CHD1L: variants seen among roughly 807,000 people sequenced by gnomAD.
The protein encoded by CHD1L is ATP-dependent chromatin remodeler CHD1L.
Under a neutral mutation model 115.9 loss-of-function variants are expected in CHD1L, and 118 were observed. That is an observed-to-expected ratio of 1.02 (90% CI 0.88 to 1.19). The LOEUF (loss-of-function observed/expected upper bound fraction) is 1.19. Ranked by LOEUF, CHD1L falls within the 50% of genes most tolerant of loss-of-function variation. CHD1L has a pLI of 0.00. For missense variants in CHD1L, 1,179 were observed against 1,065.3 expected (o/e 1.11, Z -1.49); for synonymous variants, 411 against 387.1 (o/e 1.06, Z -0.72).
the CHD1L span, among the ~76,000 whole-genome samples, chr1:147,227,025 C>A: frequency 6.6e-6 from 1 of 152,106 alleles, no homozygotes; most frequent in Non-Finnish European, 1.5e-5. Flanking sequence ...AATGAGGTTT[C>A]ACTATGTTGC....
chr1:147,291,217 G>C (rs1214213127), intron 19 of CHD1L, among the ~76,000 whole-genome samples: 1 of 152,056 alleles, frequency 6.6e-6, no homozygotes. Context: ...GCTACCTCTG[G>C]GTTTTGTATT....
the CHD1L span, chr1:147,204,330 G>A: frequency 1.1e-5 from 11 of 965,902 alleles, no homozygotes; most frequent in East Asian, 4.8e-5. Context: ...AAACTCTGAT[G>A]TTATCAACTT....
rs782003540 is a variant in CHD1L, at chr1:147,283,415, G to A, written c.1706-936G>A. On this transcript the variant is annotated intron_variant, in intron 15 of 22. Transcript: ENST00000369258. ...ACATGTGCTACTAAATATGCTTCCC[G>A]ATTCAATCATTATCTTACCTATCTG... 4.1e-4 allele frequency among the ~76,000 whole-genome samples: 63 copies of A among 152,114 alleles called. 1 individual carries two copies. The highest frequency in any genetic ancestry group is 1.3e-4 in the Non-Finnish European group (9 of 68,028).
chr1:147,256,449 A>T, intron 4 of CHD1L, 82 bp from the exon 5 acceptor site: 2 of 1,235,502 alleles, frequency 1.6e-6, no homozygotes, highest in African/African-American at 1.5e-5. Flanking sequence ...CCTATAGTTT[A>T]AGAGAGTTCA....
Position 147,289,415 on chromosome 1 carries a change from T to C in CHD1L, c.2320+1682T>C, listed in dbSNP as rs190785304. 4.3e-3 allele frequency among the ~76,000 whole-genome samples: 648 copies of C among 152,256 alleles called. 5 individuals are homozygous for C. Among genetic ancestry groups the C allele is most frequent in the African/African-American group, 0.015 (622 of 41,546 alleles). On this transcript the variant is annotated intron_variant, in intron 19 of 22. Transcript: ENST00000369258. ...TATGTCAAGAAGGCAAAGAAGTTCA[T>C]GGTATTAGACACTGAAGTGAGGATG... is the stretch of plus-strand genomic sequence containing the variant.
the CHD1L span, chr1:147,210,476 G>T: frequency 6.6e-6 from 1 of 152,130 alleles, no homozygotes; most frequent in African/African-American, 2.4e-5. Context: ...TCTACAGAGG[G>T]ATAATTGTTT....
chr1:147,212,212 C>T, the CHD1L span, among the ~76,000 whole-genome samples: 1 of 152,194 alleles, frequency 6.6e-6, no homozygotes, highest in Non-Finnish European at 1.5e-5. Context: ...AGCCTTAACT[C>T]CTCTATTAGC....
intron 3 of CHD1L, among the ~76,000 whole-genome samples, chr1:147,255,335 C>G (rs782684048): frequency 7.2e-5 from 11 of 152,220 alleles, no homozygotes; most frequent in Non-Finnish European, 1.5e-4. Context: ...TCAAGTGATT[C>G]TCCTGCCTCA....
At chr1:147,203,892 C>T in the CHD1L span, 16 of 1,575,428 alleles carry the variant, frequency 1.0e-5, no homozygotes, top group Admixed American at 1.0e-4. Flanking sequence ...TAAACACTGT[C>T]TCAGTGTCCC....
chr1:147,248,108 C>G (rs186704466), intron 1 of CHD1L, among the ~76,000 whole-genome samples: 157 of 152,290 alleles, frequency 1.0e-3, no homozygotes, highest in African/African-American at 3.6e-3. Flanking sequence ...TTTTGTCTAC[C>G]ACTTCTTCCT....
the CHD1L span, among the ~76,000 whole-genome samples, chr1:147,191,469 G>A: frequency 6.6e-6 from 1 of 152,066 alleles, no homozygotes; most frequent in Non-Finnish European, 1.5e-5. Context: ...TTTTTTGGCT[G>A]CATAAATGTC....
the CHD1L span, among the ~76,000 whole-genome samples, chr1:147,202,013 A>G: frequency 2.0e-5 from 3 of 152,188 alleles, no homozygotes; most frequent in East Asian, 3.8e-4. Context: ...ACAAAACTCT[A>G]TGAAGGAAGC....
the CHD1L span, among the ~76,000 whole-genome samples, chr1:147,233,484 C>A: frequency 6.0e-5 from 9 of 150,028 alleles, 1 homozygote; most frequent in Admixed American, 3.3e-4. Context: ...GGGGGTCAGC[C>A]CCCCGCCCGG....
upstream of CHD1L, among the ~76,000 whole-genome samples, chr1:147,241,236 G>C (rs1038688774): frequency 3.9e-5 from 6 of 152,132 alleles, no homozygotes; most frequent in Non-Finnish European, 8.8e-5. Context: ...TGACCTGCAC[G>C]TACACATCCA....
At chr1:147,241,203 A>G (rs1553930811), upstream of CHD1L, among the ~76,000 whole-genome samples, 1 of 152,170 alleles carries the variant, frequency 6.6e-6, no homozygotes, top group African/African-American at 2.4e-5. Flanking sequence ...CTCTGAGCCC[A>G]AGCTAAGCCA....
chr1:147,246,852 A>G (rs1666778794), intron 1 of CHD1L, among the ~76,000 whole-genome samples: 1 of 152,020 alleles, frequency 6.6e-6, no homozygotes, highest in South Asian at 2.1e-4. Flanking sequence ...CAGTTTATCA[A>G]TTTTTTCTCT....
rs1397254266 is a variant in CHD1L, at chr1:147,251,687, A to G, written c.128-936A>G. ...TAGGATTACAGGTGCCCGCCACTAC[A>G]CCCAGCTAATTTTTGTATTATTTAT... On this transcript the variant is annotated intron_variant, in intron 1 of 22. Coordinates refer to ENST00000369258, the MANE Select transcript of CHD1L (RefSeq NM_004284.6). 3.3e-5 allele frequency among the ~76,000 whole-genome samples: 5 copies of G among 151,944 alleles called. No homozygotes were observed. In the East Asian group the frequency reaches 5.8e-4, roughly 18 times the overall value.
intron 1 of CHD1L, among the ~76,000 whole-genome samples, chr1:147,248,812 A>T (rs1553934987): frequency 6.6e-6 from 1 of 152,208 alleles, no homozygotes; most frequent in Non-Finnish European, 1.5e-5. Flanking sequence ...TGAGTAAAGT[A>T]TGGAAACATT....
At chr1:147,234,204 G>A in the CHD1L span, among the ~76,000 whole-genome samples, 6 of 152,310 alleles carry the variant, frequency 3.9e-5, no homozygotes, top group African/African-American at 1.2e-4. Flanking sequence ...AATAAACAGC[G>A]TGGGCTCCCA....
Sources: allele counts gnomAD v4.1 joint callset (sites outside exome capture counted in the v4.1 genomes callset), GRCh38; gene constraint gnomAD v4.1.1; transcripts MANE v1.5; gene names NCBI Gene and HGNC (gene_info 2026-07-23, HGNC 2026-07-21).